ERBB4: variants seen among roughly 807,000 people sequenced by gnomAD.
The protein encoded by ERBB4 is erb-b2 receptor tyrosine kinase 4.
A neutral mutation model predicts 158.0 loss-of-function variants in ERBB4; 42 were observed. That is an observed-to-expected ratio of 0.27 (90% confidence interval 0.21 to 0.34). The LOEUF (loss-of-function observed/expected upper bound fraction) is 0.34, where lower values mean the gene tolerates loss of function less well. ERBB4 is among the 10% of genes least tolerant of loss of function. The probability of loss-of-function intolerance (pLI) is 1.00; values close to 1 mark genes in which losing one functional copy is unlikely to be tolerated. For synonymous variants in ERBB4, 583 were observed against 558.7 expected (o/e 1.04, Z -0.61); for missense variants, 1,333 against 1,624.1 (o/e 0.82, Z 3.08).
intron 1 of ERBB4, among the ~76,000 whole-genome samples, chr2:212,144,666 C>G (rs575714920): frequency 6.6e-6 from 1 of 152,164 alleles, no homozygotes; most frequent in South Asian, 2.1e-4. Flanking sequence ...TCTTATGTTC[C>G]AGTATATGGA....
chr2:212,309,424 G>A (rs555177493), intron 1 of ERBB4, among the ~76,000 whole-genome samples: 3 of 150,912 alleles, frequency 2.0e-5, no homozygotes, highest in South Asian at 2.1e-4. Flanking sequence ...GAATGAAACA[G>A]TTTTAGTTTT....
chr2:212,469,477 T>A lies in ERBB4; in HGVS notation c.82+68972A>T, dbSNP rs547515275. Among the ~76,000 whole-genome samples, 4 of 152,300 alleles carry A rather than the reference T, an allele frequency of 2.6e-5. No individual in the cohort carries two copies. In the South Asian group the frequency reaches 8.3e-4, roughly 32 times the overall value. On this transcript the variant is annotated intron_variant, in intron 1 of 27. Coordinates refer to ENST00000342788, the MANE Select transcript of ERBB4 (RefSeq NM_005235.3). ...TCTGCTACATATATATTACTGGAACTCTTTGAATGTCATTGCTAGTTCAGA... is the reference window on the plus strand; with the variant it reads ...TCTGCTACATATATATTACTGGAACACTTTGAATGTCATTGCTAGTTCAGA...
At chr2:211,645,752 TATA>T (rs1344731899) in intron 16 of ERBB4, among the ~76,000 whole-genome samples, 1 of 151,794 alleles carries the variant, frequency 6.6e-6, no homozygotes, top group African/African-American at 2.4e-5. Context: ...TTATGTATTT[TATA>T]ATGACACTAT....
intron 2 of ERBB4, among the ~76,000 whole-genome samples, chr2:212,058,084 G>A (rs183482613): frequency 1.5e-3 from 230 of 151,948 alleles, no homozygotes; most frequent in Admixed American, 2.4e-3. Context: ...AGACGCAGAC[G>A]CAATAAAAAA....
At chr2:212,207,018 G>C (rs182180577) in intron 1 of ERBB4, among the ~76,000 whole-genome samples, 6 of 147,326 alleles carry the variant, frequency 4.1e-5, no homozygotes, top group Non-Finnish European at 9.0e-5. Context: ...AAAAACTTTT[G>C]ATGAGTTTTT....
chr2:211,612,060 A>T (rs1240804654), intron 19 of ERBB4, among the ~76,000 whole-genome samples: 1 of 152,172 alleles, frequency 6.6e-6, no homozygotes, highest in African/African-American at 2.4e-5. Flanking sequence ...TTCAAGACAG[A>T]TCTTAAATTG....
chr2:211,541,133 T>G (rs2066798550), intron 20 of ERBB4, among the ~76,000 whole-genome samples: 2 of 151,958 alleles, frequency 1.3e-5, no homozygotes, highest in Admixed American at 1.3e-4. Flanking sequence ...TTTTTTAAAG[T>G]CTCTTTGATC....
At chr2:211,770,391 C>G (rs947374405) in intron 4 of ERBB4, among the ~76,000 whole-genome samples, 6 of 152,094 alleles carry the variant, frequency 3.9e-5, no homozygotes, top group African/African-American at 1.4e-4. Flanking sequence ...TTTTTAAAAA[C>G]TCACCATTTT....
At chr2:211,844,621 A>T (rs2077549117) in intron 3 of ERBB4, among the ~76,000 whole-genome samples, 2 of 152,180 alleles carry the variant, frequency 1.3e-5, no homozygotes, top group Non-Finnish European at 2.9e-5. Flanking sequence ...CAGACTTGAC[A>T]ATTCAAAATT....
chr2:212,065,554 G>C (rs932645979), intron 2 of ERBB4, among the ~76,000 whole-genome samples: 2 of 152,010 alleles, frequency 1.3e-5, no homozygotes, highest in African/African-American at 2.4e-5. Context: ...TTCAAAAGCA[G>C]ATCACTGTCT....
At chr2:212,257,027 A>G (rs2084763576) in intron 1 of ERBB4, among the ~76,000 whole-genome samples, 1 of 152,092 alleles carries the variant, frequency 6.6e-6, no homozygotes, top group African/African-American at 2.4e-5. Flanking sequence ...CCAGGTAGTA[A>G]GCATAGTACC....
intron 3 of ERBB4, among the ~76,000 whole-genome samples, chr2:211,794,811 C>T (rs997726239): frequency 1.8e-4 from 27 of 151,824 alleles, no homozygotes; most frequent in Admixed American, 1.3e-3. Flanking sequence ...TAATCCCATA[C>T]GTGTGTCAAC....
At chr2:212,014,453 T>A (rs2076461531) in intron 2 of ERBB4, among the ~76,000 whole-genome samples, 1 of 152,166 alleles carries the variant, frequency 6.6e-6, no homozygotes, top group Non-Finnish European at 1.5e-5. Flanking sequence ...AACTGGATGA[T>A]TAAATTTGTA....
intron 20 of ERBB4, among the ~76,000 whole-genome samples, chr2:211,530,429 C>T (rs1376928660): frequency 6.6e-6 from 1 of 152,082 alleles, no homozygotes; most frequent in South Asian, 2.1e-4. Flanking sequence ...ATACCTAAAG[C>T]AACCTACAGA....
At chr2:211,651,015 A>T (rs2070962509) in intron 16 of ERBB4, among the ~76,000 whole-genome samples, 1 of 152,176 alleles carries the variant, frequency 6.6e-6, no homozygotes, top group African/African-American at 2.4e-5. Flanking sequence ...TACAGGTCTG[A>T]TGACTTAATG....
chr2:211,449,558 T>C (rs1003979915), intron 20 of ERBB4, among the ~76,000 whole-genome samples: 1 of 152,176 alleles, frequency 6.6e-6, no homozygotes, highest in African/African-American at 2.4e-5. Flanking sequence ...TTAGATTAAA[T>C]CTGAGTATGA....
At chr2:211,399,946 C>T (rs2062998667) in intron 25 of ERBB4, among the ~76,000 whole-genome samples, 1 of 152,056 alleles carries the variant, frequency 6.6e-6, no homozygotes, top group African/African-American at 2.4e-5. Flanking sequence ...CACTGTGGTG[C>T]ACAGAACAAA....
At chr2:212,237,599 G>T (rs571844456) in intron 1 of ERBB4, among the ~76,000 whole-genome samples, 1 of 152,120 alleles carries the variant, frequency 6.6e-6, no homozygotes, top group Non-Finnish European at 1.5e-5. Context: ...ATCAGAGCTC[G>T]AATGCTATGC....
intron 2 of ERBB4, among the ~76,000 whole-genome samples, chr2:212,033,824 T>C (rs1406849508): frequency 6.6e-6 from 1 of 151,964 alleles, no homozygotes; most frequent in African/African-American, 2.4e-5. Flanking sequence ...AGTTCTGAGT[T>C]TGAGTTTACT....
Sources: allele counts gnomAD v4.1 joint callset (sites outside exome capture counted in the v4.1 genomes callset), GRCh38; gene constraint gnomAD v4.1.1; transcripts MANE v1.5; gene names NCBI Gene and HGNC (gene_info 2026-07-23, HGNC 2026-07-21).